GUCY2C: variants seen among roughly 807,000 people sequenced by gnomAD.
GUCY2C encodes guanylyl cyclase C.
A neutral mutation model predicts 131.1 loss-of-function variants in GUCY2C; 118 were observed. The observed-to-expected ratio is 0.90, with a 90% CI of 0.78 to 1.05. The LOEUF (loss-of-function observed/expected upper bound fraction) is 1.05. Ranked by LOEUF, GUCY2C falls within the 50% of genes least tolerant of loss-of-function variation. The probability of loss-of-function intolerance (pLI) is 0.00; values close to 1 mark genes in which losing one functional copy is unlikely to be tolerated. For missense variants in GUCY2C, 1,161 were observed against 1,304.4 expected (o/e 0.89, Z 1.69); for synonymous variants, 452 against 457.8 (o/e 0.99, Z 0.16).
intron 20 of GUCY2C, 61 bp from the exon 21 acceptor site, chr12:14,625,976 A>G (rs1250750480): frequency 2.1e-6 from 2 of 943,502 alleles, no homozygotes. Context: ...AACATCCAAT[A>G]AAACAATGGA....
intron 19 of GUCY2C, among the ~76,000 whole-genome samples, chr12:14,633,988 A>G (rs767037280): frequency 1.3e-5 from 2 of 152,220 alleles, no homozygotes; most frequent in Non-Finnish European, 2.9e-5. Context: ...TACAAAACCC[A>G]TTTAACAAAA....
At position 14,622,104 on chromosome 12, in the gene GUCY2C, A is replaced by T; in HGVS notation, c.2502T>A (p.Thr834=). The T allele has an allele frequency of 6.2e-7, 1 of 1,608,908 alleles. No homozygotes were observed. Among genetic ancestry groups the T allele is most frequent in the Middle Eastern group, 1.7e-4 (1 of 6,058 alleles). The change falls in exon 22 of 27, where the codon ACT becomes ACA. Residue 834 remains threonine (T), a synonymous_variant. Transcript: ENST00000261170. The part of the protein sequence containing the change: ...TIYFSDIVGF[T]TICKYSTPME... ...TGGGGGTGCTGTATTTGCAGATAGTAGTGAAACCTACAATGTCACTGAAGT... is the reference window on the plus strand; with the variant it reads ...TGGGGGTGCTGTATTTGCAGATAGTTGTGAAACCTACAATGTCACTGAAGT...
rs11056089 is a variant in GUCY2C, at chr12:14,667,472, G to A, written c.1282+2250C>T. On this transcript the variant is annotated intron_variant, in intron 10 of 26. Transcript: ENST00000261170. ...TCTTCATTCCCCCCTCCCTCATTTC[G>A]TTAATCAGCTGCTAATACCTGTTGG... is the stretch of plus-strand genomic sequence containing the variant. Among the ~76,000 whole-genome samples, 153 of 152,120 alleles carry A rather than the reference G, an allele frequency of 1.0e-3. 2 individuals carry two copies. The East Asian group carries it at 0.015, about 15-fold the overall frequency.
rs756228942 is a variant in GUCY2C, at chr12:14,643,663, C to T, written c.1841G>A (p.Arg614His). 20 of 1,612,618 alleles carry T rather than the reference C, an allele frequency of 1.2e-5. No individual in the cohort carries two copies. Among genetic ancestry groups the T allele is most frequent in the South Asian group, 4.4e-5 (4 of 91,060 alleles). The stretch of plus-strand genomic sequence containing the variant: ...CACTACGCAGTTGGTAGATTTCAGA[C>T]GACCATGGACTTCTGTCTTACTGGA... ...LHSSKTEVHG[R>H]LKSTNCVVDS... is the part of the protein sequence containing the mutation. The change falls in exon 17 of 27, where the codon CGT becomes CAT. Residue 614 changes from arginine to histidine, a missense_variant. By Grantham distance (29) the Arg-to-His change is conservative (BLOSUM62 0). Transcript: ENST00000261170.
At chr12:14,666,695 A>G (rs949422514) in intron 10 of GUCY2C, among the ~76,000 whole-genome samples, 3 of 149,290 alleles carry the variant, frequency 2.0e-5, no homozygotes, top group Admixed American at 6.8e-5. Flanking sequence ...AGATTGCACC[A>G]CTGTACTCCA....
intron 15 of GUCY2C, among the ~76,000 whole-genome samples, chr12:14,647,899 A>G (rs1047030796): frequency 6.6e-6 from 1 of 151,788 alleles, no homozygotes; most frequent in Non-Finnish European, 1.5e-5. Context: ...AATTTTTAGT[A>G]TTTGAGGCTT....
rs150369474 is a variant in GUCY2C, at chr12:14,693,160, A to T, written c.217+3072T>A. Among the ~76,000 whole-genome samples, 9 of 152,212 alleles carry T rather than the reference A, an allele frequency of 5.9e-5. No homozygotes were observed. The East Asian group carries it at 1.7e-3, about 29-fold the overall frequency. On this transcript the variant is annotated intron_variant, in intron 1 of 26. Coordinates refer to ENST00000261170, the MANE Select transcript of GUCY2C (RefSeq NM_004963.4). ...ACTCTCTACCCCACAATGATATCTC[A>T]TTCCTGGGAGGATGGATGGAAAGCT...
chr12:14,669,371 ATT>A (rs796096394), intron 10 of GUCY2C, among the ~76,000 whole-genome samples: 3 of 140,286 alleles, frequency 2.1e-5, no homozygotes, highest in Non-Finnish European at 1.6e-5. Flanking sequence ...TGCCTGGGTA[ATT>A]TTTTTTTTTT....
chr12:14,681,229 A>T, intron 5 of GUCY2C, 127 bp downstream of exon 5: 1 of 792,018 alleles, frequency 1.3e-6, no homozygotes, highest in Non-Finnish European at 2.0e-6. Context: ...GATCTCCCAA[A>T]ATATACAAAA....
At chr12:14,671,517 A>G (rs1464276284) in intron 9 of GUCY2C, among the ~76,000 whole-genome samples, 1 of 152,102 alleles carries the variant, frequency 6.6e-6, no homozygotes, top group Non-Finnish European at 1.5e-5. Flanking sequence ...CTCTGTTGAG[A>G]CCTATCCTGG....
At chr12:14,650,106 T>C (rs1215142942) in intron 15 of GUCY2C, among the ~76,000 whole-genome samples, 2 of 150,986 alleles carry the variant, frequency 1.3e-5, no homozygotes, top group African/African-American at 4.8e-5. Context: ...ATAATTTTGT[T>C]TTTTAAGTAG....
In GUCY2C at chr12:14,612,807, CA is replaced by C. The variant is rs544696357; in HGVS notation, c.*309del. 4 of 238,424 alleles carry C rather than the reference CA, an allele frequency of 1.7e-5. No individual in the cohort carries two copies. The highest frequency in any genetic ancestry group is 9.0e-5 in the African/African-American group (4 of 44,668). 14.8% of individuals were successfully genotyped at this position (238,424 alleles called of 1,614,324 possible). On this transcript the variant is annotated 3_prime_UTR_variant, in exon 27 of 27. Coordinates refer to ENST00000261170, the MANE Select transcript of GUCY2C (RefSeq NM_004963.4). ...AACAAAAACGATAAAAATAAACAAA[CA>C]AAAAATAAATGAAATAAGAATAAAA...
intron 19 of GUCY2C, among the ~76,000 whole-genome samples, chr12:14,629,096 G>C (rs980472600): frequency 6.6e-6 from 1 of 152,174 alleles, no homozygotes; most frequent in East Asian, 1.9e-4. Context: ...AGTACTGACT[G>C]AGTGGTTAAG....
rs1408889412 is a variant in GUCY2C, at chr12:14,661,001, G to C, written c.1344C>G (p.Leu448=). The change falls in exon 11 of 27, where the codon CTC becomes CTG. Residue 448 remains leucine, a synonymous_variant. Transcript: ENST00000261170. ...TGTACCTGAGCATCAGGAGAGCGAC[G>C]AGCAGGAGCAGCACCACAGCTCCAG... ...TLTGAVVLLL[L]VALLMLRKYR... is the part of the protein sequence containing the mutation. The C allele has an allele frequency of 1.9e-6, 3 of 1,611,888 alleles. No homozygotes were observed. The highest frequency in any genetic ancestry group is 2.5e-6 in the Non-Finnish European group (3 of 1,178,092).
intron 1 of GUCY2C, among the ~76,000 whole-genome samples, chr12:14,689,822 C>T (rs1948543729): frequency 6.6e-6 from 1 of 152,186 alleles, no homozygotes; most frequent in South Asian, 2.1e-4. Context: ...GACCCTGTCT[C>T]TCCTGGAGCA....
Position 14,613,318 on chromosome 12 carries a change from A to G in GUCY2C, c.3048-27T>C, listed in dbSNP as rs1156269369. On this transcript the variant is annotated intron_variant, in intron 26 of 26. Transcript: ENST00000261170. This position sits in a 1 kb window ranked among gnomAD's most constrained non-coding sequence, Gnocchi z 4.9. Reference sequence around the variant, plus strand: ...TGGAAACAGAGTGGGAAGAGAAAATAGAACTTCTCAGCAATTCATACAGAA... The same window carrying G: ...TGGAAACAGAGTGGGAAGAGAAAATGGAACTTCTCAGCAATTCATACAGAA... 2.6e-6 allele frequency: 4 copies of G among 1,556,652 alleles called. No homozygotes were observed. Among genetic ancestry groups the G allele is most frequent in the Non-Finnish European group, 3.5e-6 (4 of 1,128,376 alleles).
At chr12:14,695,997 C>A (rs185055327) in intron 1 of GUCY2C, among the ~76,000 whole-genome samples, 1 of 152,116 alleles carries the variant, frequency 6.6e-6, no homozygotes, top group Non-Finnish European at 1.5e-5. Context: ...GCCGTGAACA[C>A]TTTACATTTC....
intron 9 of GUCY2C, among the ~76,000 whole-genome samples, chr12:14,670,553 C>G (rs1948083858): frequency 6.6e-6 from 1 of 152,054 alleles, no homozygotes; most frequent in Non-Finnish European, 1.5e-5. Context: ...AAAATCTCAA[C>G]TTGAATTGTA....
chr12:14,619,555 G>A (rs1349148214), intron 23 of GUCY2C, among the ~76,000 whole-genome samples: 1 of 152,184 alleles, frequency 6.6e-6, no homozygotes, highest in Non-Finnish European at 1.5e-5. Context: ...GTAGCAAATA[G>A]GAAGGCATTC....
Sources: gnomAD v4.1 joint callset for allele counts (sites outside exome capture counted in the v4.1 genomes callset) on GRCh38, gnomAD v4.1.1 for gene constraint, Gnocchi (gnomAD v3.1) non-coding constraint, MANE v1.5 for transcripts, NCBI Gene and HGNC (gene_info 2026-07-23, HGNC 2026-07-21) for gene names.